Variants in KIF19 observed in about 807,000 individuals in gnomAD.
KIF19 encodes kinesin family member 19, also known as kinesin-like protein KIF19.
KIF19 carries 98 observed loss-of-function variants against 106.6 expected under a neutral mutation model. The ratio of observed to expected loss-of-function variants is 0.92; its 90% CI spans 0.78 to 1.09. KIF19 has a LOEUF of 1.09. Ranked by LOEUF, KIF19 falls within the 50% of genes least tolerant of loss-of-function variation. KIF19 has a pLI of 0.00. For missense variants in KIF19, 1,373 were observed against 1,414.3 expected (o/e 0.97, Z 0.47); for synonymous variants, 516 against 584.2 (o/e 0.88, Z 1.68).
At position 74,344,971 on chromosome 17, in the gene KIF19, G is replaced by A; in HGVS notation, c.777+16G>A. ...CGCCTCGCAGGTGAGGCTGGGACCT[G>A]GGCTGGGCAGAGGAGGGAGGGTTGA... On this transcript the variant is annotated intron_variant, in intron 7 of 19. Coordinates refer to ENST00000389916, the MANE Select transcript of KIF19 (RefSeq NM_153209.4). 6.3e-7 allele frequency: 1 copy of A among 1,585,702 alleles called. No homozygotes were observed.
At chr17:74,330,563 ACTCT>A (rs547807959) in intron 2 of KIF19, among the ~76,000 whole-genome samples, 15 of 151,828 alleles carry the variant, frequency 9.9e-5, no homozygotes, top group African/African-American at 2.4e-4. Context: ...GACAATGCTG[ACTCT>A]CTCTCTGCTA....
chr17:74,344,756 C>T lies in KIF19; in HGVS notation c.583-5C>T. Reference sequence around the variant, plus strand: ...TAAGAGCTGCCTCTCCTCCCTCCCACCCAGATCATGCAGCTGCTGATGAAG... The same window carrying T: ...TAAGAGCTGCCTCTCCTCCCTCCCATCCAGATCATGCAGCTGCTGATGAAG... On this transcript the variant is annotated splice_region_variant and splice_polypyrimidine_tract_variant and intron_variant, in intron 6 of 19. Transcript: ENST00000389916. The T allele has an allele frequency of 6.2e-7, 1 of 1,604,564 alleles. No homozygotes were observed. Among genetic ancestry groups the T allele is most frequent in the Non-Finnish European group, 8.5e-7 (1 of 1,173,394 alleles).
chr17:74,352,361 C>A, intron 14 of KIF19, 21 bp downstream of exon 14: 1 of 1,595,216 alleles, frequency 6.3e-7, no homozygotes, highest in Admixed American at 1.8e-5. Flanking sequence ...GCCTGGGCGG[C>A]CTGAACATGG....
At chr17:74,345,042 C>T in intron 7 of KIF19, 87 bp downstream of exon 7, 1 of 1,268,270 alleles carries the variant, frequency 7.9e-7, no homozygotes, top group South Asian at 1.4e-5. Context: ...CATGCAAGGC[C>T]AGCACCACAG....
At position 74,355,348 on chromosome 17, in the gene KIF19, A is replaced by C; in HGVS notation, c.*36A>C. On this transcript the variant is annotated 3_prime_UTR_variant, in exon 20 of 20. Coordinates refer to ENST00000389916, the MANE Select transcript of KIF19 (RefSeq NM_153209.4). ...CTGGAACTGGCTCTCTCACCTCCCA[A>C]GACTGAATGGGGTCTAGCAGGGCAT... is the stretch of plus-strand genomic sequence containing the variant. 6.4e-7 allele frequency: 1 copy of C among 1,568,598 alleles called. No individual in the cohort carries two copies. Among genetic ancestry groups the C allele is most frequent in the East Asian group, 2.3e-5 (1 of 43,632 alleles).
intron 4 of KIF19, 123 bp from the exon 5 acceptor site, chr17:74,342,901 C>G (rs534750830): frequency 3.1e-6 from 4 of 1,296,394 alleles, no homozygotes; most frequent in South Asian, 2.9e-5. Context: ...CACTCCCCAC[C>G]ACCTCCCTGG....
Position 74,350,802 on chromosome 17 carries a change from C to T in KIF19, c.1484C>T (p.Thr495Ile). The T allele has an allele frequency of 6.2e-7, 1 of 1,614,032 alleles. No individual in the cohort carries two copies. The highest frequency in any genetic ancestry group is 8.5e-7 in the Non-Finnish European group (1 of 1,179,900). Residue 495 changes from threonine to isoleucine, a missense_variant, in exon 12 of 20, where the codon ACA becomes ATA. Thr to Ile is a moderately conservative substitution (Grantham distance 89, BLOSUM62 -1). Transcript: ENST00000389916. ...GACGACAGCGAGAAGGACTCAGACA[C>T]AGGTGATGACCAACCAGACATCCTG... ...AKDDSEKDSD[T>I]GDDQPDILEP...
Position 74,353,188 on chromosome 17 carries a change from A to G in KIF19, c.2115-8A>G, listed in dbSNP as rs373402655. ...CTACAGCCACTCATCTTCCTCTGCC[A>G]ACTTCAGTGAAGGCCACCACGTGTT... On this transcript the variant is annotated splice_polypyrimidine_tract_variant and splice_region_variant and intron_variant, in intron 15 of 19. Transcript: ENST00000389916. 138 of 1,576,622 alleles carry G rather than the reference A, an allele frequency of 8.8e-5. No homozygotes were observed. The highest frequency in any genetic ancestry group is 1.2e-4 in the Non-Finnish European group (137 of 1,161,074).
chr17:74,348,055 A>ACCTCCAAACCCTGCT (rs2054589595), intron 9 of KIF19, among the ~76,000 whole-genome samples, 156 bp downstream of exon 9: 1 of 151,926 alleles, frequency 6.6e-6, no homozygotes, highest in Admixed American at 6.6e-5. Context: ...CTTTCCCTGC[A>ACCTCCAAACCCTGCT]CCTCCAAACC....
Position 74,350,390 on chromosome 17 carries a change from C to T in KIF19, c.1214-11C>T, listed in dbSNP as rs753864775. The T allele has an allele frequency of 9.2e-5, 145 of 1,580,946 alleles. No homozygotes were observed. Among genetic ancestry groups the T allele is most frequent in the Non-Finnish European group, 1.2e-4 (143 of 1,164,202 alleles). ...GCCTCCTCTACCTTGCCCACCCTCACCCATCGGCAGCTGAGGTCCAGCTGC... is the reference window on the plus strand; with the variant it reads ...GCCTCCTCTACCTTGCCCACCCTCATCCATCGGCAGCTGAGGTCCAGCTGC... On this transcript the variant is annotated splice_polypyrimidine_tract_variant and intron_variant, in intron 10 of 19. Coordinates refer to ENST00000389916, the MANE Select transcript of KIF19 (RefSeq NM_153209.4).
Position 74,335,532 on chromosome 17 carries a change from A to G in KIF19, c.121-6344A>G, listed in dbSNP as rs536696658. Among the ~76,000 whole-genome samples the G allele has an allele frequency of 6.2e-4, 95 of 152,354 alleles. 2 individuals are homozygous for G. The South Asian group carries it at 0.019, about 31-fold the overall frequency. ...CTTCCCTACGGGATCTTGAGTTTCC[A>G]GCTTAAAAGACTCCGACTCCGTCTG... On this transcript the variant is annotated intron_variant, in intron 2 of 19. Coordinates refer to ENST00000389916, the MANE Select transcript of KIF19 (RefSeq NM_153209.4).
At chr17:74,333,361 A>AT (rs35232394) in intron 2 of KIF19, among the ~76,000 whole-genome samples, 26,655 of 129,336 alleles carry the variant, frequency 0.21, 3,805 homozygotes, top group African/African-American at 0.4. Flanking sequence ...TGTGGTCCTA[A>AT]TTTTTTTTTT....
At position 74,352,253 on chromosome 17, in the gene KIF19, GCT is replaced by G; in HGVS notation, c.1896_1897del (p.Tyr633ArgfsTer46). 6.2e-7 allele frequency: 1 copy of G among 1,613,086 alleles called. No individual in the cohort carries two copies. Among genetic ancestry groups the G allele is most frequent in the Non-Finnish European group, 8.5e-7 (1 of 1,179,740 alleles). ...TGGCCGTCCCGCAGCGCCTGGAAGA[GCT>G]CTACGAAGTGTACCTGCGGGAGCTG... ...NLAVPQRLEE[L>X]YEVYLRELEE... is the part of the protein sequence containing the mutation. On this transcript the variant is annotated frameshift_variant, in exon 14 of 20. Coordinates refer to ENST00000389916, the MANE Select transcript of KIF19 (RefSeq NM_153209.4). LOFTEE classifies it high-confidence loss of function.
chr17:74,352,258 A>G lies in KIF19; in HGVS notation c.1898A>G (p.Tyr633Cys), dbSNP rs1476777045. The change falls in exon 14 of 20, where the codon TAC (tyrosine) becomes TGC (cysteine). Residue 633 changes from tyrosine to cysteine, a missense_variant. Physicochemically the swap from Tyr to Cys is radical, Grantham distance 194. Around this residue, in one of 3 missense-constraint regions of KIF19, gnomAD observed 1,020 missense variants for 1,008.2 expected, o/e 1.01. Transcript: ENST00000389916. ...GTCCCGCAGCGCCTGGAAGAGCTCT[A>G]CGAAGTGTACCTGCGGGAGCTGGAG... The part of the protein sequence containing the change: ...LAVPQRLEEL[Y>C]EVYLRELEEG... 1 of 1,612,962 alleles carries G rather than the reference A, an allele frequency of 6.2e-7. No individual in the cohort carries two copies. The highest frequency in any genetic ancestry group is 1.7e-5 in the Admixed American group (1 of 59,976).
At chr17:74,354,041 C>A (rs2054799794) in intron 17 of KIF19, 121 bp from the exon 18 acceptor site, 2 of 1,149,548 alleles carry the variant, frequency 1.7e-6, no homozygotes, top group Non-Finnish European at 2.4e-6. Context: ...ATAGCAAACC[C>A]CTGGAAGTGC....
At chr17:74,342,929 G>T in intron 4 of KIF19, 95 bp from the exon 5 acceptor site, 1 of 1,430,836 alleles carries the variant, frequency 7.0e-7, no homozygotes, top group Non-Finnish European at 9.3e-7. Context: ...AGAGGGCCCA[G>T]CCTTGAGGAC....
At chr17:74,348,094 C>G (rs2054590402) in intron 9 of KIF19, among the ~76,000 whole-genome samples, 195 bp downstream of exon 9, 1 of 152,234 alleles carries the variant, frequency 6.6e-6, no homozygotes, top group Non-Finnish European at 1.5e-5. Context: ...GCCGACAGCT[C>G]CCAAGGGTCC....
chr17:74,339,830 G>A (rs1174985486), intron 2 of KIF19, among the ~76,000 whole-genome samples: 3 of 152,222 alleles, frequency 2.0e-5, no homozygotes, highest in Non-Finnish European at 4.4e-5. Context: ...GGTGGTGCAT[G>A]AGGACAGGGA....
At chr17:74,340,002 G>T (rs770567951) in intron 2 of KIF19, among the ~76,000 whole-genome samples, 1 of 152,214 alleles carries the variant, frequency 6.6e-6, no homozygotes, top group Non-Finnish European at 1.5e-5. Context: ...TTAACAGCCC[G>T]TTGAACAAAG....
Sources: gnomAD v4.1 joint callset for allele counts (sites outside exome capture counted in the v4.1 genomes callset) on GRCh38, gnomAD v4.1.1 for gene constraint, gnomAD v4.1.1 regional missense constraint, MANE v1.5 for transcripts, NCBI Gene and HGNC (gene_info 2026-07-23, HGNC 2026-07-21) for gene names.